The following CDC42SE2 variants were observed in gnomAD, a reference collection of about 807,000 sequenced individuals.
CDC42SE2 encodes the protein CDC42 small effector 2, also known as CDC42 small effector protein 2.
A neutral mutation model predicts 11.5 loss-of-function variants in CDC42SE2; 3 were observed. The ratio of observed to expected loss-of-function variants is 0.26; its 90% CI spans 0.12 to 0.67. CDC42SE2 has a LOEUF of 0.67. Ranked by LOEUF, CDC42SE2 falls within the 30% of genes least tolerant of loss-of-function variation. CDC42SE2 has a pLI of 0.80. For synonymous variants in CDC42SE2, 33 were observed against 34.8 expected, an observed-to-expected ratio of 0.95 and a Z score of 0.18; for missense variants, 82 against 106.8, an observed-to-expected ratio of 0.77 and a Z score of 1.02.
intron 3 of CDC42SE2, among the ~76,000 whole-genome samples, chr5:131,368,590 T>C (rs1019022153): frequency 1.3e-5 from 2 of 152,198 alleles, no homozygotes; most frequent in Non-Finnish European, 2.9e-5. Context: ...ATAATTCCCA[T>C]TTGTGAAACT....
chr5:131,385,489 G>C, intron 3 of CDC42SE2, 54 bp from the exon 4 acceptor site: 1 of 1,286,458 alleles, frequency 7.8e-7, no homozygotes, highest in Non-Finnish European at 1.1e-6. Context: ...AAATCCATCA[G>C]AATAAGTTGC....
At chr5:131,387,289 C>T (rs143854028) in intron 4 of CDC42SE2, among the ~76,000 whole-genome samples, 5 of 152,298 alleles carry the variant, frequency 3.3e-5, no homozygotes, top group African/African-American at 1.2e-4. Flanking sequence ...TGGCTCACGC[C>T]TGTAATCCCA....
chr5:131,351,475 C>G (rs1005921531), intron 2 of CDC42SE2, among the ~76,000 whole-genome samples: 1 of 152,082 alleles, frequency 6.6e-6, no homozygotes, highest in Non-Finnish European at 1.5e-5. Context: ...AGGATGGTCT[C>G]GATCTCCTGA....
chr5:131,348,522 C>G (rs1177372246), intron 2 of CDC42SE2, among the ~76,000 whole-genome samples: 1 of 152,166 alleles, frequency 6.6e-6, no homozygotes, highest in Admixed American at 6.5e-5. Context: ...ACATTCCATG[C>G]TCATGGATAG....
At chr5:131,383,511 T>C (rs1342030678) in intron 3 of CDC42SE2, among the ~76,000 whole-genome samples, 2 of 152,170 alleles carry the variant, frequency 1.3e-5, no homozygotes, top group African/African-American at 4.8e-5. Context: ...GTTAAGTGTT[T>C]TTAGGGAAAA....
chr5:131,316,704 C>G (rs1758046319), intron 2 of CDC42SE2, among the ~76,000 whole-genome samples: 1 of 152,172 alleles, frequency 6.6e-6, no homozygotes, highest in African/African-American at 2.4e-5. Context: ...TTTTAGTAGC[C>G]TGAAGGTGGT....
chr5:131,378,773 C>T (rs991058324), intron 3 of CDC42SE2, among the ~76,000 whole-genome samples: 5 of 152,200 alleles, frequency 3.3e-5, no homozygotes, highest in Non-Finnish European at 7.3e-5. Flanking sequence ...AGACTGAACA[C>T]CACCACCTTC....
intron 3 of CDC42SE2, among the ~76,000 whole-genome samples, chr5:131,377,550 G>C (rs1026823534): frequency 3.3e-5 from 5 of 152,088 alleles, no homozygotes; most frequent in African/African-American, 9.7e-5. Context: ...AATATCACTT[G>C]GAATCTTGTT....
chr5:131,351,642 A>AT (rs1169357655), intron 2 of CDC42SE2, among the ~76,000 whole-genome samples: 2 of 152,318 alleles, frequency 1.3e-5, no homozygotes, highest in African/African-American at 4.8e-5. Context: ...GGATATCCAT[A>AT]TTTTTTTAAA....
intron 1 of CDC42SE2, among the ~76,000 whole-genome samples, chr5:131,271,194 C>G (rs908300545): frequency 1.3e-5 from 2 of 152,092 alleles, no homozygotes; most frequent in African/African-American, 2.4e-5. Flanking sequence ...TTTCTTTAGT[C>G]TTTAAGGTAG....
intron 2 of CDC42SE2, among the ~76,000 whole-genome samples, chr5:131,346,001 A>T (rs1471958216): frequency 6.6e-6 from 1 of 152,236 alleles, no homozygotes; most frequent in African/African-American, 2.4e-5. Flanking sequence ...TGAAGGAAGC[A>T]CTCAACATGG....
At chr5:131,377,270 A>G (rs1334114225) in intron 3 of CDC42SE2, among the ~76,000 whole-genome samples, 1 of 151,668 alleles carries the variant, frequency 6.6e-6, no homozygotes, top group Non-Finnish European at 1.5e-5. Flanking sequence ...CCGGGTTCAA[A>G]CGATTATTGT....
chr5:131,223,264 C>A, the CDC42SE2 span, among the ~76,000 whole-genome samples: 1 of 152,174 alleles, frequency 6.6e-6, no homozygotes, highest in Non-Finnish European at 1.5e-5. Flanking sequence ...ATCAGGAATG[C>A]CCCTTATCTG....
At chr5:131,308,234 T>C (rs534782093) in intron 1 of CDC42SE2, among the ~76,000 whole-genome samples, 139 of 152,292 alleles carry the variant, frequency 9.1e-4, no homozygotes, top group African/African-American at 3.2e-3. Flanking sequence ...TTCTCAGGTT[T>C]GTCAAAGATC....
chr5:131,251,517 T>G (rs899787586), intron 1 of CDC42SE2, among the ~76,000 whole-genome samples: 12 of 152,194 alleles, frequency 7.9e-5, no homozygotes, highest in African/African-American at 2.9e-4. Flanking sequence ...GCATTTAACA[T>G]GCTTTTTAGT....
At position 131,251,841 on chromosome 5, in the gene CDC42SE2, C is replaced by T. The variant is rs191909524; in HGVS notation, n.108-3254C>T. Among the ~76,000 whole-genome samples, 7 of 152,106 alleles carry T rather than the reference C, an allele frequency of 4.6e-5. No homozygotes were observed. In the East Asian group the frequency reaches 1.2e-3, roughly 25 times the overall value. On this transcript the variant is annotated intron_variant and non_coding_transcript_variant, in intron 1 of 3. Transcript: ENST00000502840. ...CCAGCCTAGACACATAGTGAGACCT[C>T]GTCTCTACAAAAAAATAAAAATTAA...
intron 1 of CDC42SE2, among the ~76,000 whole-genome samples, chr5:131,272,444 G>A (rs1409967913): frequency 1.3e-5 from 2 of 151,928 alleles, no homozygotes; most frequent in Non-Finnish European, 2.9e-5. Flanking sequence ...CTTGTTTCCT[G>A]TATGTTAAAA....
upstream of CDC42SE2, among the ~76,000 whole-genome samples, chr5:131,241,670 G>A (rs1175737728): frequency 1.3e-5 from 2 of 151,548 alleles, no homozygotes; most frequent in African/African-American, 4.9e-5. Flanking sequence ...TCACCTCCCA[G>A]ACTTTCTTCC....
intron 3 of CDC42SE2, among the ~76,000 whole-genome samples, chr5:131,373,848 T>C (rs1301530705): frequency 6.6e-6 from 1 of 151,984 alleles, no homozygotes; most frequent in Admixed American, 6.6e-5. Context: ...TGCTTGGAAA[T>C]AATATGATAG....
Sources: allele counts gnomAD v4.1 joint callset (sites outside exome capture counted in the v4.1 genomes callset), GRCh38; gene constraint gnomAD v4.1.1; transcripts MANE v1.5; gene names NCBI Gene and HGNC (gene_info 2026-07-23, HGNC 2026-07-21).